PDE1C: variants seen among roughly 807,000 people sequenced by gnomAD.
The protein encoded by PDE1C is dual specificity calcium/calmodulin-dependent 3',5'-cyclic nucleotide phosphodiesterase 1C.
In PDE1C, 62 loss-of-function variants were observed where a neutral mutation model predicts 93.1. The observed-to-expected ratio is 0.67, with a 90% CI of 0.54 to 0.82. PDE1C has a LOEUF of 0.82. Ranked by LOEUF, PDE1C falls within the 40% of genes least tolerant of loss-of-function variation. The pLI is 0.00. For synonymous variants in PDE1C, 325 were observed against 310.1 expected (o/e 1.05, Z -0.50); for missense variants, 742 against 884.6 (o/e 0.84, Z 2.04).
At chr7:31,634,474 A>G in the PDE1C span, among the ~76,000 whole-genome samples, 1 of 152,134 alleles carries the variant, frequency 6.6e-6, no homozygotes, top group African/African-American at 2.4e-5. Flanking sequence ...TACTTTCCCT[A>G]TGAGGGGACA....
At chr7:31,828,764 A>G (rs894323210) in intron 11 of PDE1C, among the ~76,000 whole-genome samples, 1 of 152,170 alleles carries the variant, frequency 6.6e-6, no homozygotes, top group East Asian at 1.9e-4. Context: ...CTCCTCCCAG[A>G]TGTGGGCAGT....
At chr7:32,231,941 AC>A (rs1807717671) in intron 1 of PDE1C, among the ~76,000 whole-genome samples, 1 of 145,586 alleles carries the variant, frequency 6.9e-6, no homozygotes, top group Admixed American at 7.1e-5. Flanking sequence ...CGTGATTAAA[AC>A]AAATAAATAT....
chr7:31,723,598 G>C, the PDE1C span, among the ~76,000 whole-genome samples: 1 of 152,110 alleles, frequency 6.6e-6, no homozygotes, highest in Non-Finnish European at 1.5e-5. Context: ...GAGAGGAGGC[G>C]GAGTCAGGGC....
intron 1 of PDE1C, among the ~76,000 whole-genome samples, chr7:32,064,233 A>G (rs1025263763): frequency 3.9e-5 from 6 of 152,200 alleles, no homozygotes; most frequent in African/African-American, 1.4e-4. Context: ...CCATGGCTCC[A>G]TATTGCCATC....
Position 31,776,455 on chromosome 7 carries a change from C to T in PDE1C, c.1892-723G>A, listed in dbSNP as rs560828454. Reference sequence around the variant, plus strand: ...AGGGGATTATCTTTGTTCTAATAAACCCTTTAATGGGTCACGAGGCAATGA... The same window carrying T: ...AGGGGATTATCTTTGTTCTAATAAATCCTTTAATGGGTCACGAGGCAATGA... On this transcript the variant is annotated intron_variant, in intron 16 of 17. Coordinates refer to ENST00000396191, the MANE Select transcript of PDE1C (RefSeq NM_001191057.4). Among the ~76,000 whole-genome samples, 4 of 152,176 alleles carry T rather than the reference C, an allele frequency of 2.6e-5. No homozygotes were observed. In the East Asian group the frequency reaches 7.8e-4, roughly 30 times the overall value.
Position 31,751,616 on chromosome 7 carries a change from A to T in PDE1C, c.*1768T>A, listed in dbSNP as rs1002838778. 7.9e-5 allele frequency: 12 copies of T among 152,246 alleles called. No individual in the cohort carries two copies. Among genetic ancestry groups the T allele is most frequent in the African/African-American group, 2.9e-4 (12 of 41,464 alleles). 9.4% of individuals were successfully genotyped at this position (152,246 alleles called of 1,614,324 possible). Reference sequence around the variant, plus strand: ...TAATCCAGGTGGAACAGACACTACCAGCCTGCAGAAGGGCCTTCTAACCCA... The same window carrying T: ...TAATCCAGGTGGAACAGACACTACCTGCCTGCAGAAGGGCCTTCTAACCCA... On this transcript the variant is annotated 3_prime_UTR_variant, in exon 18 of 18. Coordinates refer to ENST00000396191, the MANE Select transcript of PDE1C (RefSeq NM_001191057.4).
chr7:31,921,964 A>C (rs1054995630), intron 2 of PDE1C, among the ~76,000 whole-genome samples: 2 of 151,346 alleles, frequency 1.3e-5, no homozygotes, highest in Non-Finnish European at 3.0e-5. Flanking sequence ...TCCATTCTAT[A>C]GGTGAGAAAA....
At chr7:31,804,942 T>C (rs577584940) in intron 16 of PDE1C, among the ~76,000 whole-genome samples, 2 of 151,828 alleles carry the variant, frequency 1.3e-5, no homozygotes, top group African/African-American at 2.4e-5. Flanking sequence ...CCAAATCTCA[T>C]CTTGAATCAT....
intron 1 of PDE1C, among the ~76,000 whole-genome samples, chr7:32,226,410 T>C (rs781343077): frequency 8.5e-5 from 13 of 152,264 alleles, no homozygotes; most frequent in Admixed American, 3.3e-4. Context: ...AGAATTTTAA[T>C]GTTTTAATCT....
chr7:32,406,531 CA>C (rs5883350), intron 1 of PDE1C, among the ~76,000 whole-genome samples: 106,186 of 133,244 alleles, frequency 0.8, 41,986 homozygotes, highest in East Asian at 0.93. Flanking sequence ...CTCCATAATG[CA>C]AAAAAAAAAA....
intron 17 of PDE1C, among the ~76,000 whole-genome samples, chr7:31,754,727 G>C (rs567226039): frequency 6.6e-6 from 1 of 152,250 alleles, no homozygotes; most frequent in East Asian, 1.9e-4. Flanking sequence ...AGATTGTCAG[G>C]CGTTTGGAAA....
At chr7:31,857,570 G>A (rs1199789075) in intron 7 of PDE1C, among the ~76,000 whole-genome samples, 1 of 152,110 alleles carries the variant, frequency 6.6e-6, no homozygotes, top group Non-Finnish European at 1.5e-5. Flanking sequence ...GAGGTGGGAA[G>A]GACACTGAGA....
At chr7:32,070,482 C>G, upstream of PDE1C, 1 of 1,569,736 alleles carries the variant, frequency 6.4e-7, no homozygotes, top group Non-Finnish European at 8.6e-7. Flanking sequence ...GATGCCCAGC[C>G]AGGCGCGGCG....
chr7:31,970,345 C>G (rs972543804), intron 2 of PDE1C, among the ~76,000 whole-genome samples: 1 of 152,056 alleles, frequency 6.6e-6, no homozygotes, highest in Non-Finnish European at 1.5e-5. Flanking sequence ...AATTCTAATA[C>G]TTTAACTTCT....
intron 3 of PDE1C, among the ~76,000 whole-genome samples, chr7:32,102,695 A>T (rs1798096970): frequency 1.3e-5 from 2 of 152,236 alleles, no homozygotes; most frequent in Non-Finnish European, 2.9e-5. Context: ...AGACAAAGGC[A>T]CAAAGGATGA....
At chr7:32,163,796 G>A (rs952167005) in intron 3 of PDE1C, among the ~76,000 whole-genome samples, 2 of 152,158 alleles carry the variant, frequency 1.3e-5, no homozygotes, top group Non-Finnish European at 2.9e-5. Flanking sequence ...AGCATCCATA[G>A]GGCTCATATT....
chr7:31,800,967 A>G (rs1340871466), intron 16 of PDE1C, among the ~76,000 whole-genome samples: 1 of 151,206 alleles, frequency 6.6e-6, no homozygotes, highest in Non-Finnish European at 1.5e-5. Context: ...ATGAAAATGC[A>G]GCATATCAGA....
chr7:32,191,788 T>C (rs959174257), intron 2 of PDE1C, among the ~76,000 whole-genome samples: 4 of 152,212 alleles, frequency 2.6e-5, no homozygotes, highest in African/African-American at 9.6e-5. Flanking sequence ...TTTAAGATAC[T>C]ACCAAGTTAC....
the PDE1C span, among the ~76,000 whole-genome samples, chr7:31,631,122 T>G: frequency 2.6e-5 from 4 of 152,190 alleles, no homozygotes; most frequent in East Asian, 5.8e-4. Context: ...GTTTTATGGC[T>G]AAGCTCTTTT....
Sources: gnomAD v4.1 joint callset for allele counts (sites outside exome capture counted in the v4.1 genomes callset) on GRCh38, gnomAD v4.1.1 for gene constraint, MANE v1.5 for transcripts, NCBI Gene and HGNC (gene_info 2026-07-23, HGNC 2026-07-21) for gene names.